Variants in AGBL4 observed in about 807,000 individuals in gnomAD.
AGBL4 encodes the protein cytosolic carboxypeptidase 6.
AGBL4 carries 58 observed loss-of-function variants against 66.4 expected under a neutral mutation model. The ratio of observed to expected loss-of-function variants is 0.87; its 90% CI spans 0.71 to 1.09. The LOEUF is 1.09. AGBL4 is among the 50% of genes least tolerant of loss of function. AGBL4 has a pLI of 0.00. For synonymous variants in AGBL4, 234 were observed against 222.9 expected, an observed-to-expected ratio of 1.05 and a Z score of -0.44; for missense variants, 579 against 631.0, an observed-to-expected ratio of 0.92 and a Z score of 0.88.
rs1438990780 is a variant in AGBL4 at position 48,712,790 on chromosome 1, T to C, written c.635-49549A>G. Among the ~76,000 whole-genome samples the C allele has an allele frequency of 2.0e-5, 3 of 152,208 alleles. No homozygotes were observed. In the South Asian group the frequency reaches 6.2e-4, roughly 32 times the overall value. On this transcript the variant is annotated intron_variant, in intron 6 of 13. Transcript: ENST00000371839. Reference sequence around the variant, plus strand: ...GTTTGATAAAAGATTAATGAAATTATCAAATTGACCTTGTCAGTGTCTGCT... The same window carrying C: ...GTTTGATAAAAGATTAATGAAATTACCAAATTGACCTTGTCAGTGTCTGCT...
intron 4 of AGBL4, among the ~76,000 whole-genome samples, chr1:49,071,870 T>C (rs1446192918): frequency 2.6e-5 from 4 of 152,160 alleles, no homozygotes; most frequent in Non-Finnish European, 2.9e-5. Flanking sequence ...TATTATTGTG[T>C]GGGTGTCTAA....
At chr1:49,264,711 A>T (rs1013717656) in intron 3 of AGBL4, among the ~76,000 whole-genome samples, 3 of 151,882 alleles carry the variant, frequency 2.0e-5, no homozygotes, top group Admixed American at 1.3e-4. Context: ...ACACCCGGCT[A>T]ATTTTTGTAT....
At chr1:49,631,864 G>C (rs975462891) in intron 3 of AGBL4, among the ~76,000 whole-genome samples, 1 of 152,180 alleles carries the variant, frequency 6.6e-6, no homozygotes, top group Non-Finnish European at 1.5e-5. Flanking sequence ...CATCAGAAAA[G>C]TCCTTGCAAG....
At chr1:48,702,277 T>C (rs1175433224) in intron 6 of AGBL4, among the ~76,000 whole-genome samples, 1 of 151,436 alleles carries the variant, frequency 6.6e-6, no homozygotes, top group Non-Finnish European at 1.5e-5. Flanking sequence ...TCTTCTTCTT[T>C]GTTTTTTTTT....
chr1:49,450,094 T>G (rs929505451), intron 3 of AGBL4, among the ~76,000 whole-genome samples: 1 of 152,116 alleles, frequency 6.6e-6, no homozygotes, highest in Admixed American at 6.6e-5. Flanking sequence ...TGGTTTCAAT[T>G]TTTAAATATT....
chr1:49,569,456 A>G (rs1270870872), intron 3 of AGBL4, among the ~76,000 whole-genome samples: 2 of 152,190 alleles, frequency 1.3e-5, no homozygotes, highest in African/African-American at 4.8e-5. Context: ...ATTGCATGCC[A>G]TTATTAAAAC....
At chr1:49,936,378 G>A (rs960945967) in intron 1 of AGBL4, among the ~76,000 whole-genome samples, 1 of 152,198 alleles carries the variant, frequency 6.6e-6, no homozygotes, top group Non-Finnish European at 1.5e-5. Flanking sequence ...ACCTTAAAGT[G>A]ACGGGGAGAA....
chr1:49,207,427 A>G (rs1648241636), intron 4 of AGBL4, among the ~76,000 whole-genome samples: 1 of 149,692 alleles, frequency 6.7e-6, no homozygotes. Context: ...TTCACTGAGT[A>G]TCTCCTTTCT....
chr1:49,786,114 T>C (rs1445183872), intron 2 of AGBL4, among the ~76,000 whole-genome samples: 1 of 151,768 alleles, frequency 6.6e-6, no homozygotes, highest in Non-Finnish European at 1.5e-5. Context: ...AATAGCAAAA[T>C]ACAAATAAAT....
chr1:48,966,342 A>G (rs1658414982), intron 5 of AGBL4, among the ~76,000 whole-genome samples: 1 of 152,180 alleles, frequency 6.6e-6, no homozygotes, highest in African/African-American at 2.4e-5. Flanking sequence ...CCTTGTTCAA[A>G]TCACTTAAGG....
At chr1:49,067,504 A>G (rs1003025060) in intron 4 of AGBL4, among the ~76,000 whole-genome samples, 1 of 151,974 alleles carries the variant, frequency 6.6e-6, no homozygotes, top group Admixed American at 6.6e-5. Flanking sequence ...TTCCTATTCT[A>G]TTGCCTTTCC....
intron 1 of AGBL4, among the ~76,000 whole-genome samples, chr1:49,879,626 A>C (rs975595308): frequency 4.8e-5 from 7 of 146,576 alleles, no homozygotes; most frequent in African/African-American, 1.0e-4. Context: ...GGTGAATCTG[A>C]CAATTATGTG....
At chr1:49,470,718 C>A (rs1393305449) in intron 3 of AGBL4, among the ~76,000 whole-genome samples, 2 of 152,004 alleles carry the variant, frequency 1.3e-5, no homozygotes, top group Non-Finnish European at 2.9e-5. Flanking sequence ...GAAGTTATCA[C>A]CCTATTTCAA....
intron 2 of AGBL4, among the ~76,000 whole-genome samples, chr1:49,822,752 T>A (rs531262511): frequency 1.1e-3 from 165 of 152,304 alleles, no homozygotes; most frequent in Non-Finnish European, 1.8e-3. Context: ...TGCTTAATTG[T>A]GCTTCTACAA....
At position 49,189,402 on chromosome 1, in the gene AGBL4, A is replaced by T. The variant is rs377618188; in HGVS notation, c.377+56368T>A. Among the ~76,000 whole-genome samples the T allele has an allele frequency of 9.2e-5, 14 of 152,344 alleles. No homozygotes were observed. The South Asian group carries it at 2.1e-3, about 23-fold the overall frequency. On this transcript the variant is annotated intron_variant, in intron 4 of 13. Transcript: ENST00000371839. ...AATGAACAGCTGGTTTCCTCTCTGCATGACCTTGGCCAGATCCTTAATGTA... is the reference window on the plus strand; with the variant it reads ...AATGAACAGCTGGTTTCCTCTCTGCTTGACCTTGGCCAGATCCTTAATGTA...
At chr1:49,459,862 T>C (rs1646472939) in intron 3 of AGBL4, among the ~76,000 whole-genome samples, 1 of 151,740 alleles carries the variant, frequency 6.6e-6, no homozygotes, top group Non-Finnish European at 1.5e-5. Context: ...GTTGTGTCAC[T>C]ATTATCTTTC....
intron 9 of AGBL4, among the ~76,000 whole-genome samples, chr1:48,617,916 G>C (rs1273675465): frequency 6.6e-6 from 1 of 152,174 alleles, no homozygotes; most frequent in African/African-American, 2.4e-5. Context: ...CAAGAGATGA[G>C]ACTCTACCTT....
intron 1 of AGBL4, among the ~76,000 whole-genome samples, chr1:49,950,310 C>G (rs1402383064): frequency 6.6e-6 from 1 of 150,824 alleles, no homozygotes; most frequent in Non-Finnish European, 1.5e-5. Flanking sequence ...AATGAAAAAC[C>G]AAACATCACA....
At chr1:49,057,480 C>T (rs985574531) in intron 4 of AGBL4, among the ~76,000 whole-genome samples, 4 of 152,246 alleles carry the variant, frequency 2.6e-5, no homozygotes, top group Admixed American at 2.0e-4. Context: ...TTAAAATTCA[C>T]AATTTCCAGT....
Sources: gnomAD v4.1 joint callset for allele counts (sites outside exome capture counted in the v4.1 genomes callset) on GRCh38, gnomAD v4.1.1 for gene constraint, MANE v1.5 for transcripts, NCBI Gene and HGNC (gene_info 2026-07-23, HGNC 2026-07-21) for gene names.